The following ROBO2 variants were observed in gnomAD, a reference collection of about 807,000 sequenced individuals.
The protein encoded by ROBO2 is roundabout guidance receptor 2.
A neutral mutation model predicts 160.8 loss-of-function variants in ROBO2; 53 were observed. That is an observed-to-expected ratio of 0.33 (90% CI 0.26 to 0.41). ROBO2 has a LOEUF of 0.41. Among genes scored for constraint, ROBO2 ranks in the 10% least tolerant of loss-of-function variants. The pLI is 1.00. For synonymous variants in ROBO2, 664 were observed against 611.7 expected (o/e 1.09, Z -1.26); for missense variants, 1,577 against 1,722.4 (o/e 0.92, Z 1.49).
intron 2 of ROBO2, among the ~76,000 whole-genome samples, chr3:75,979,746 C>T (rs1274094362): frequency 6.6e-6 from 1 of 151,514 alleles, no homozygotes; most frequent in Non-Finnish European, 1.5e-5. Flanking sequence ...AAAACACAAC[C>T]TTTATTTCTT....
At chr3:76,070,927 A>G (rs2068434684) in intron 2 of ROBO2, among the ~76,000 whole-genome samples, 2 of 152,192 alleles carry the variant, frequency 1.3e-5, no homozygotes, top group Admixed American at 1.3e-4. Flanking sequence ...ACAAGTGTAA[A>G]AAGAAACCAT....
At chr3:76,710,510 T>C (rs2093270586) in intron 2 of ROBO2, among the ~76,000 whole-genome samples, 1 of 152,156 alleles carries the variant, frequency 6.6e-6, no homozygotes, top group Non-Finnish European at 1.5e-5. Context: ...TTTGGCCAAT[T>C]TCCAAGTTAA....
At chr3:76,013,022 A>G (rs889221494) in intron 2 of ROBO2, among the ~76,000 whole-genome samples, 1 of 145,144 alleles carries the variant, frequency 6.9e-6, no homozygotes, top group South Asian at 2.2e-4. Context: ...ATATGCATAA[A>G]GGCAATTGGA....
chr3:76,112,537 T>C (rs1184247345), intron 2 of ROBO2, among the ~76,000 whole-genome samples: 1 of 152,090 alleles, frequency 6.6e-6, no homozygotes, highest in Admixed American at 6.6e-5. Context: ...TGTCTGTAGG[T>C]AATATATCTG....
chr3:76,403,851 A>G (rs2108778337), intron 2 of ROBO2, among the ~76,000 whole-genome samples: 1 of 151,734 alleles, frequency 6.6e-6, no homozygotes, highest in Admixed American at 6.6e-5. Flanking sequence ...ACGCCGTGCC[A>G]TATTATTATT....
chr3:76,865,847 A>G (rs1332162509), intron 2 of ROBO2, among the ~76,000 whole-genome samples: 5 of 152,122 alleles, frequency 3.3e-5, no homozygotes, highest in African/African-American at 1.2e-4. Flanking sequence ...GTTTTGAATT[A>G]AGAGGCATTT....
In ROBO2 at chr3:77,482,510, C is replaced by T. The variant is rs147414086; in HGVS notation, c.667+1291C>T. 2.8e-3 allele frequency among the ~76,000 whole-genome samples: 421 copies of T among 152,306 alleles called. 3 individuals are homozygous for T. Among genetic ancestry groups the T allele is most frequent in the Middle Eastern group, 6.8e-3 (2 of 294 alleles). ...CTGAGCACCAGGTAATCTCTGGTAA[C>T]ACTCCCTGTGGCTACTAAGCAGCTT... On this transcript the variant is annotated intron_variant, in intron 4 of 25. Transcript: ENST00000461745.
intron 2 of ROBO2, among the ~76,000 whole-genome samples, chr3:76,607,900 A>G (rs185504443): frequency 2.6e-5 from 4 of 152,126 alleles, no homozygotes; most frequent in Admixed American, 2.6e-4. Flanking sequence ...CTTAGACCTG[A>G]CCTTCAACAC....
chr3:76,261,199 T>A (rs1165754047), intron 2 of ROBO2, among the ~76,000 whole-genome samples: 70 of 130,150 alleles, frequency 5.4e-4, no homozygotes, highest in Admixed American at 7.9e-4. Flanking sequence ...TGTGTGTGTG[T>A]GTGTATATAT....
chr3:76,023,934 C>A (rs1446384300), intron 2 of ROBO2, among the ~76,000 whole-genome samples: 2 of 151,450 alleles, frequency 1.3e-5, no homozygotes, highest in Non-Finnish European at 3.0e-5. Context: ...AGATCCAAAT[C>A]AAATCTCTCT....
intron 2 of ROBO2, among the ~76,000 whole-genome samples, chr3:77,278,328 T>C (rs2060025369): frequency 6.6e-6 from 1 of 152,192 alleles, no homozygotes; most frequent in African/African-American, 2.4e-5. Context: ...ATCTCTACTC[T>C]GGCCTTCCTG....
Position 76,904,613 on chromosome 3 carries a change from G to C in ROBO2, c.110-193401G>C, listed in dbSNP as rs1160611591. 3.3e-5 allele frequency among the ~76,000 whole-genome samples: 5 copies of C among 152,092 alleles called. No homozygotes were observed. In the South Asian group the frequency reaches 8.3e-4, roughly 25 times the overall value. On this transcript the variant is annotated intron_variant, in intron 2 of 26. Coordinates refer to the ROBO2 transcript ENST00000487694. ...ACTGCCCCTACCTGCTGGCAAATGA[G>C]ATTGACAGTTCTCCATCCCGTGGCT...
chr3:75,965,894 C>A (rs1379866836), intron 2 of ROBO2, among the ~76,000 whole-genome samples: 1 of 151,654 alleles, frequency 6.6e-6, no homozygotes, highest in Non-Finnish European at 1.5e-5. Context: ...GTATCTTAAT[C>A]TATCCAATTA....
chr3:76,221,758 T>G (rs1703983889), intron 2 of ROBO2, among the ~76,000 whole-genome samples: 1 of 152,142 alleles, frequency 6.6e-6, no homozygotes, highest in Non-Finnish European at 1.5e-5. Flanking sequence ...TTGCCACACT[T>G]TTTTGTCTTT....
At chr3:77,353,677 A>T (rs1451779990) in intron 2 of ROBO2, among the ~76,000 whole-genome samples, 1 of 151,952 alleles carries the variant, frequency 6.6e-6, no homozygotes, top group Non-Finnish European at 1.5e-5. Flanking sequence ...TGCCCGGCTA[A>T]TTTTTGTACT....
At chr3:76,146,497 C>G (rs1286257590) in intron 2 of ROBO2, among the ~76,000 whole-genome samples, 2 of 151,800 alleles carry the variant, frequency 1.3e-5, no homozygotes, top group African/African-American at 4.8e-5. Context: ...TCTCTCTGAC[C>G]TCTTTTAAAT....
intron 2 of ROBO2, among the ~76,000 whole-genome samples, chr3:76,022,591 C>G (rs1267436396): frequency 5.3e-5 from 8 of 151,658 alleles, no homozygotes. Context: ...GGTACATTGT[C>G]AATGAACAGC....
chr3:77,468,716 G>C (rs906022319), intron 2 of ROBO2, among the ~76,000 whole-genome samples: 1 of 152,196 alleles, frequency 6.6e-6, no homozygotes, highest in African/African-American at 2.4e-5. Context: ...GCTATGACTT[G>C]AAAATGAACA....
At chr3:77,489,784 TTAGA>T (rs1259147910) in intron 4 of ROBO2, among the ~76,000 whole-genome samples, 1 of 152,198 alleles carries the variant, frequency 6.6e-6, no homozygotes, top group African/African-American at 2.4e-5. Context: ...ACTTTTCATG[TTAGA>T]TAGGTAGATA....
Sources: allele counts gnomAD v4.1 joint callset (sites outside exome capture counted in the v4.1 genomes callset), GRCh38; gene constraint gnomAD v4.1.1; transcripts MANE v1.5; gene names NCBI Gene and HGNC (gene_info 2026-07-23, HGNC 2026-07-21).